EIF3M: variants seen among roughly 807,000 people sequenced by gnomAD.
The protein encoded by EIF3M is B5 receptor.
Under a neutral mutation model 49.7 loss-of-function variants are expected in EIF3M, and 25 were observed. The observed-to-expected ratio is 0.50, with a 90% CI of 0.37 to 0.70. EIF3M has a LOEUF of 0.70. Among genes scored for constraint, EIF3M ranks in the 30% least tolerant of loss-of-function variants. The probability of loss-of-function intolerance (pLI) is 0.00; values close to 1 mark genes in which losing one functional copy is unlikely to be tolerated. For synonymous variants in EIF3M, 156 were observed against 149.8 expected (o/e 1.04, Z -0.30); for missense variants, 350 against 440.0 (o/e 0.80, Z 1.83).
In EIF3M at chr11:32,602,400, G is replaced by GT. The variant is rs753694073; in HGVS notation, c.*6dup. 8.7e-6 allele frequency: 14 copies of GT among 1,605,538 alleles called. No individual in the cohort carries two copies. Among genetic ancestry groups the GT allele is most frequent in the Non-Finnish European group, 1.2e-5 (14 of 1,176,496 alleles). Reference sequence around the variant, plus strand: ...CCTTTTGAGTCTTTCTGATACCTGAGTTTTTATGCTTATAATTTTTGTTCT... The same window carrying GT: ...CCTTTTGAGTCTTTCTGATACCTGAGTTTTTTATGCTTATAATTTTTGTTCT... On this transcript the variant is annotated 3_prime_UTR_variant, in exon 11 of 11. Transcript: ENST00000531120.
intron 1 of EIF3M, among the ~76,000 whole-genome samples, chr11:32,585,609 G>T (rs908474400): frequency 2.6e-5 from 4 of 152,166 alleles, no homozygotes; most frequent in African/African-American, 4.8e-5. Context: ...AGTTTGCTGT[G>T]TATCTGTTTC....
At chr11:32,592,257 A>C (rs948444372) in intron 5 of EIF3M, 3 of 435,352 alleles carry the variant, frequency 6.9e-6, no homozygotes, top group African/African-American at 4.1e-5. Context: ...GGCCCTTTTC[A>C]CTTCACTAAC....
At chr11:32,587,406 A>G (rs1855017929) in intron 2 of EIF3M, among the ~76,000 whole-genome samples, 1 of 152,254 alleles carries the variant, frequency 6.6e-6, no homozygotes, top group African/African-American at 2.4e-5. Context: ...TAATTGGAAT[A>G]TCACACATCT....
chr11:32,594,064 A>C, intron 6 of EIF3M, 115 bp downstream of exon 6: 1 of 591,856 alleles, frequency 1.7e-6, no homozygotes, highest in Non-Finnish European at 2.7e-6. Flanking sequence ...GAGCCATTTG[A>C]TAGTGTGTAT....
At chr11:32,592,991 A>T (rs1855126704) in intron 5 of EIF3M, among the ~76,000 whole-genome samples, 1 of 152,160 alleles carries the variant, frequency 6.6e-6, no homozygotes, top group Non-Finnish European at 1.5e-5. Context: ...GCGGGTTACC[A>T]CTTAGCCATG....
intron 5 of EIF3M, 76 bp downstream of exon 5, chr11:32,589,717 A>G (rs1304178538): frequency 7.5e-7 from 1 of 1,324,844 alleles, no homozygotes; most frequent in African/African-American, 1.5e-5. Flanking sequence ...AAAGAGAAGT[A>G]GGGCCAGTAA....
At chr11:32,594,169 C>T (rs772290112) in intron 6 of EIF3M, 7 of 338,332 alleles carry the variant, frequency 2.1e-5, no homozygotes, top group East Asian at 4.5e-5. Context: ...GTTTACCTGG[C>T]GGGGGGGGTA....
chr11:32,593,527 A>G (rs1251371572), intron 5 of EIF3M, among the ~76,000 whole-genome samples: 7 of 152,198 alleles, frequency 4.6e-5, no homozygotes, highest in African/African-American at 7.2e-5. Context: ...CATGGCCAAG[A>G]AAAGGATATT....
intron 3 of EIF3M, 35 bp downstream of exon 3, chr11:32,588,767 A>C (rs752585370): frequency 6.2e-7 from 1 of 1,612,340 alleles, no homozygotes. Context: ...CAGTTTTTCT[A>C]GGTGCTTTTT....
In EIF3M at chr11:32,587,024, C is replaced by T. The variant is rs1331380880; in HGVS notation, c.55C>T (p.Arg19Cys). ...CAATCCTCAACAGGCTGCTGAGCTT[C>T]GTGCTTATCTGAAATCTAAAGGAGC... Reference protein sequence around the residue: ...ISEEDQAAELRAYLKSKGAEI... With the variant: ...ISEEDQAAELCAYLKSKGAEI... The change falls in exon 2 of 11, where the codon CGT becomes TGT. Residue 19 changes from arginine to cysteine, a missense_variant. Arg to Cys is a radical substitution (Grantham distance 180, BLOSUM62 -3). Transcript: ENST00000531120. 19 of 1,610,112 alleles carry T rather than the reference C, an allele frequency of 1.2e-5. No individual in the cohort carries two copies. Among genetic ancestry groups the T allele is most frequent in the Admixed American group, 5.0e-5 (3 of 59,536 alleles).
chr11:32,584,464 C>T (rs1340764516), intron 1 of EIF3M, among the ~76,000 whole-genome samples: 1 of 151,982 alleles, frequency 6.6e-6, no homozygotes, highest in Non-Finnish European at 1.5e-5. Context: ...AAAAATTACC[C>T]GGGCGCGGTG....
intron 2 of EIF3M, among the ~76,000 whole-genome samples, chr11:32,588,251 TG>T (rs1855031498): frequency 6.6e-6 from 1 of 151,558 alleles, no homozygotes; most frequent in South Asian, 2.1e-4. Flanking sequence ...TAGCCGGGCG[TG>T]GTGGCGGGTG....
rs538710044 is a variant in EIF3M at position 32,602,647 on chromosome 11, CAG to C, written c.*254_*255del. ...AGCACTTTAAAGAAAGGATAATATA[CAG>C]AGAGAAGACAGAAGTAGAGTAATAC... On this transcript the variant is annotated 3_prime_UTR_variant, in exon 11 of 11. Coordinates refer to ENST00000531120, the MANE Select transcript of EIF3M (RefSeq NM_006360.6). 3.7e-5 allele frequency: 28 copies of C among 762,352 alleles called. No individual in the cohort carries two copies. Among genetic ancestry groups the C allele is most frequent in the African/African-American group, 3.0e-4 (17 of 56,690 alleles). The allele number at this position is 762,352 out of a possible 1,614,324, so 47.2% of individuals were successfully genotyped here.
intron 10 of EIF3M, 51 bp downstream of exon 10, chr11:32,601,873 C>T (rs77379922): frequency 0.25 from 396,322 of 1,575,248 alleles, 52,409 homozygotes; most frequent in Non-Finnish European, 0.27. Flanking sequence ...TAGTTTGTTC[C>T]GATTATTTCA....
chr11:32,595,382 A>G (rs1190142183), intron 7 of EIF3M, among the ~76,000 whole-genome samples: 1 of 152,136 alleles, frequency 6.6e-6, no homozygotes, highest in African/African-American at 2.4e-5. Flanking sequence ...GGCACATGCC[A>G]TCAGGCCCAG....
chr11:32,601,816 T>C lies in EIF3M; in HGVS notation c.998T>C (p.Val333Ala). ...ATTGATCAGACCCAGAGAAAAGTAGTTGTCAGGTAAGATATTTAATGCTTT... is the reference window on the plus strand; with the variant it reads ...ATTGATCAGACCCAGAGAAAAGTAGCTGTCAGGTAAGATATTTAATGCTTT... The part of the protein sequence containing the change: ...CKIDQTQRKV[V>A]VSHSTHRTFG... Residue 333 changes from valine (V) to alanine (A), a missense_variant, in exon 10 of 11, where the codon GTT becomes GCT. Physicochemically the swap from Val to Ala is moderately conservative, Grantham distance 64. Transcript: ENST00000531120. 1 of 1,612,594 alleles carries C rather than the reference T, an allele frequency of 6.2e-7. No homozygotes were observed. Among genetic ancestry groups the C allele is most frequent in the Non-Finnish European group, 8.5e-7 (1 of 1,178,988 alleles).
At chr11:32,598,514 T>C (rs775105581) in intron 8 of EIF3M, among the ~76,000 whole-genome samples, 6 of 152,116 alleles carry the variant, frequency 3.9e-5, no homozygotes, top group Non-Finnish European at 8.8e-5. Context: ...TTCACTGCCT[T>C]AGTAGTTTGA....
At chr11:32,590,530 T>G (rs1472517436) in intron 5 of EIF3M, among the ~76,000 whole-genome samples, 3 of 152,144 alleles carry the variant, frequency 2.0e-5, no homozygotes, top group Non-Finnish European at 4.4e-5. Context: ...AAAGTAAGGT[T>G]GTAGGCTAAG....
At chr11:32,601,319 AT>A (rs1275849269) in intron 9 of EIF3M, 1 of 155,638 alleles carries the variant, frequency 6.4e-6, no homozygotes, top group Non-Finnish European at 1.4e-5. Flanking sequence ...CTGCTCAGGA[AT>A]TTTTTCTGAG....
Sources: gnomAD v4.1 joint callset for allele counts (sites outside exome capture counted in the v4.1 genomes callset) on GRCh38, gnomAD v4.1.1 for gene constraint, MANE v1.5 for transcripts, NCBI Gene and HGNC (gene_info 2026-07-23, HGNC 2026-07-21) for gene names.